BCL3: variants seen among roughly 807,000 people sequenced by gnomAD.
BCL3 encodes BCL3 transcription coactivator.
Under a neutral mutation model 35.7 loss-of-function variants are expected in BCL3, and 15 were observed. The observed-to-expected ratio is 0.42, with a 90% CI of 0.28 to 0.65. BCL3 has a LOEUF of 0.65. Ranked by LOEUF, BCL3 falls within the 30% of genes least tolerant of loss-of-function variation. The pLI, the probability that BCL3 is intolerant of heterozygous loss-of-function variation, is 0.22. For synonymous variants in BCL3, 311 were observed against 284.3 expected, an observed-to-expected ratio of 1.09 and a Z score of -0.95; for missense variants, 565 against 641.7, an observed-to-expected ratio of 0.88 and a Z score of 1.29.
At chr19:44,754,944 T>G (rs1364756315) in intron 2 of BCL3, among the ~76,000 whole-genome samples, 1 of 152,256 alleles carries the variant, frequency 6.6e-6, no homozygotes, top group Non-Finnish European at 1.5e-5. Context: ...ATTTCTGCAC[T>G]CCATCAGAAC....
chr19:44,750,639 C>T (rs1318493744), intron 1 of BCL3, among the ~76,000 whole-genome samples: 5 of 152,134 alleles, frequency 3.3e-5, no homozygotes, highest in Non-Finnish European at 7.3e-5. Flanking sequence ...TAAAATTACC[C>T]ATGCGTGGTG....
Position 44,759,439 on chromosome 19 carries a change from G to A in BCL3, c.1189G>A (p.Ala397Thr), listed in dbSNP as rs114036675. 2.6e-3 allele frequency: 4,223 copies of A among 1,597,320 alleles called. 11 individuals carry two copies. Among genetic ancestry groups the A allele is most frequent in the African/African-American group, 0.013 (915 of 70,662 alleles). The change falls in exon 9 of 9, where the codon GCA becomes ACA. Residue 397 changes from alanine (A) to threonine (T), a missense_variant. Ala to Thr is a moderately conservative substitution (Grantham distance 58, BLOSUM62 0). Around this residue, in one of 5 missense-constraint regions of BCL3, gnomAD observed 151 missense variants for 138.1 expected, o/e 1.09. Transcript: ENST00000164227. ...TCTTCCTTCCTCAGGTCTTCTCTCC[G>A]CATCACCATCCTCCTCACCCTCCCA... ...SRLSSNGLLS[A>T]SPSSSPSQSP...
chr19:44,748,672 C>A, upstream of BCL3: 1 of 1,040,652 alleles, frequency 9.6e-7, no homozygotes, highest in South Asian at 4.6e-5. Flanking sequence ...CGGCACCGCC[C>A]CGGCCGACAA....
chr19:44,749,675 G>A (rs1174484080), intron 1 of BCL3, among the ~76,000 whole-genome samples: 1 of 152,130 alleles, frequency 6.6e-6, no homozygotes, highest in African/African-American at 2.4e-5. Flanking sequence ...AGGGGGTCTT[G>A]AGGACCCAGG....
Position 44,757,083 on chromosome 19 carries a change from G to A in BCL3, c.586G>A (p.Ala196Thr). The A allele has an allele frequency of 6.2e-7, 1 of 1,609,960 alleles. No individual in the cohort carries two copies. Among genetic ancestry groups the A allele is most frequent in the African/African-American group, 1.3e-5 (1 of 74,916 alleles). ...GGTCCGGCTCCTGGTGACAGCTGGTGCCAGCCCCATGGCGCTGGACCGCCA... is the reference window on the plus strand; with the variant it reads ...GGTCCGGCTCCTGGTGACAGCTGGTACCAGCCCCATGGCGCTGGACCGCCA... ...SVVRLLVTAG[A>T]SPMALDRHGQ... Residue 196 changes from alanine (A) to threonine (T), a missense_variant, in exon 4 of 9, where the codon GCC becomes ACC. By Grantham distance (58) the Ala-to-Thr change is moderately conservative (BLOSUM62 0). Around this residue, in one of 5 missense-constraint regions of BCL3, gnomAD observed 267 missense variants for 281.5 expected, o/e 0.95. Transcript: ENST00000164227. The surrounding 1 kb of genome is among the most constrained non-coding windows in gnomAD (Gnocchi z 8.4).
At chr19:44,749,445 C>T (rs1455141067) in intron 1 of BCL3, among the ~76,000 whole-genome samples, 1 of 143,340 alleles carries the variant, frequency 7.0e-6, no homozygotes, top group Non-Finnish European at 1.6e-5. Context: ...AACTGGGGTT[C>T]CCTGTATCCT....
Position 44,758,725 on chromosome 19 carries a change from T to C in BCL3, c.1061T>C (p.Val354Ala). ...ATGGTCACGCCCATCTTCCTACAGG[T>C]CATCGACATCCTGAGGGGGAAGGCC... ...TPLMVARSRR[V>A]IDILRGKATR... is the part of the protein sequence containing the mutation. The change falls in exon 8 of 9, where the codon GTC becomes GCC. Residue 354 changes from valine (V) to alanine (A), a missense_variant and splice_region_variant. By Grantham distance (64) the Val-to-Ala change is moderately conservative. Transcript: ENST00000164227. 6.3e-7 allele frequency: 1 copy of C among 1,594,954 alleles called. No individual in the cohort carries two copies.
At chr19:44,759,314 C>A in intron 8 of BCL3, 114 bp from the exon 9 acceptor site, 1 of 646,810 alleles carries the variant, frequency 1.5e-6, no homozygotes, top group Non-Finnish European at 2.4e-6. Flanking sequence ...CTCCCTCAGA[C>A]CCGAGTCCAG....
Position 44,757,261 on chromosome 19 carries a change from G to C in BCL3, c.724+40G>C. On this transcript the variant is annotated intron_variant, in intron 4 of 8. Coordinates refer to ENST00000164227, the MANE Select transcript of BCL3 (RefSeq NM_005178.5). The surrounding 1 kb of genome is among the most constrained non-coding windows in gnomAD (Gnocchi z 8.4). ...CGGGGCACCGCTGGGCTGTCCAGCG[G>C]ACCTGGAGTCCATCAGCGGCCGCAA... 6.4e-7 allele frequency: 1 copy of C among 1,557,194 alleles called. No homozygotes were observed. Among genetic ancestry groups the C allele is most frequent in the South Asian group, 1.2e-5 (1 of 85,520 alleles).
intron 1 of BCL3, among the ~76,000 whole-genome samples, chr19:44,750,001 T>C (rs1967146698): frequency 6.6e-6 from 1 of 152,158 alleles, no homozygotes; most frequent in Admixed American, 6.5e-5. Flanking sequence ...TCTCCATCCC[T>C]GATCTCAAGA....
chr19:44,758,580 CT>C, intron 7 of BCL3, 143 bp from the exon 8 acceptor site: 1 of 1,263,742 alleles, frequency 7.9e-7, no homozygotes, highest in Non-Finnish European at 1.1e-6. Flanking sequence ...TGAGGAGAGA[CT>C]GGCACCAAGA....
In BCL3 at chr19:44,759,865, A is replaced by C; in HGVS notation, c.*250A>C. On this transcript the variant is annotated 3_prime_UTR_variant, in exon 9 of 9. Transcript: ENST00000164227. ...CCAGTCCCTGTCCGGAATGCCACCCACATCTTCCATTTCCATGTCCCCTCC... is the reference window on the plus strand; with the variant it reads ...CCAGTCCCTGTCCGGAATGCCACCCCCATCTTCCATTTCCATGTCCCCTCC... The C allele has an allele frequency of 7.4e-6, 3 of 407,196 alleles. No homozygotes were observed. The highest frequency in any genetic ancestry group is 4.2e-5 in the East Asian group (1 of 23,996). 25.2% of individuals were successfully genotyped at this position (407,196 alleles called of 1,614,324 possible).
chr19:44,758,376 A>G lies in BCL3; in HGVS notation c.1022A>G (p.His341Arg). The G allele has an allele frequency of 1.3e-6, 2 of 1,548,990 alleles. No individual in the cohort carries two copies. Among genetic ancestry groups the G allele is most frequent in the African/African-American group, 1.4e-5 (1 of 73,394 alleles). ...SGADSSLKNC[H>R]NDTPLMVARS... ...GCTGACAGCAGCCTCAAGAACTGCCACAACGACACGCCGCTCATGGTGGCG... is the reference window on the plus strand; with the variant it reads ...GCTGACAGCAGCCTCAAGAACTGCCGCAACGACACGCCGCTCATGGTGGCG... The change falls in exon 7 of 9, where the codon CAC (histidine) becomes CGC (arginine). Residue 341 changes from histidine to arginine, a missense_variant. Around this residue, in one of 5 missense-constraint regions of BCL3, gnomAD observed 39 missense variants for 88.1 expected, o/e 0.44. Coordinates refer to ENST00000164227, the MANE Select transcript of BCL3 (RefSeq NM_005178.5).
At chr19:44,748,634 G>A, upstream of BCL3, 1 of 941,562 alleles carries the variant, frequency 1.1e-6, no homozygotes, top group Non-Finnish European at 1.3e-6. Context: ...GTGGCCCCGG[G>A]GGGGCCGGGG....
rs752198604 is a variant in BCL3, at chr19:44,749,009, C to A, written c.219C>A (p.Pro73=). 8.7e-6 allele frequency: 12 copies of A among 1,385,456 alleles called. No individual in the cohort carries two copies. In the East Asian group the frequency reaches 3.7e-4, roughly 42 times the overall value. 85.8% of individuals were successfully genotyped at this position (1,385,456 alleles called of 1,614,324 possible). ...ACCTGCCGGCGGTCCCCGGGCCCCC[C>A]CACGGCCTGGCCCGGCCGGAGGCGC... The part of the protein sequence containing the change: ...GCDLPAVPGP[P]HGLARPEALY... The change falls in exon 1 of 9, where the codon CCC becomes CCA. Residue 73 remains proline, a synonymous_variant. Coordinates refer to ENST00000164227, the MANE Select transcript of BCL3 (RefSeq NM_005178.5).
chr19:44,748,287 G>A (rs941465630), upstream of BCL3, among the ~76,000 whole-genome samples: 32 of 152,314 alleles, frequency 2.1e-4, no homozygotes, highest in African/African-American at 7.2e-4. Context: ...AGACAAACGC[G>A]GGGTTGCGGA....
In BCL3 at chr19:44,749,022, C is replaced by T. The variant is rs757544122; in HGVS notation, c.232C>T (p.Arg78Trp). 1.7e-5 allele frequency: 23 copies of T among 1,360,200 alleles called. No individual in the cohort carries two copies. In the Admixed American group the frequency reaches 5.0e-4, roughly 30 times the overall value. 84.3% of individuals were successfully genotyped at this position (1,360,200 alleles called of 1,614,324 possible). A position where few individuals can be genotyped will look rare whatever the true frequency, so the allele number is the denominator to read the frequency against. ...AVPGPPHGLARPEALYYPGAL... is the reference protein window; with the variant it reads ...AVPGPPHGLAWPEALYYPGAL... ...CCCCGGGCCCCCCCACGGCCTGGCC[C>T]GGCCGGAGGCGCTTTACTACCCCGG... Residue 78 changes from arginine (R) to tryptophan (W), a missense_variant, in exon 1 of 9, where the codon CGG becomes TGG. Arg to Trp is a moderately radical substitution (Grantham distance 101). Transcript: ENST00000164227.
intron 2 of BCL3, among the ~76,000 whole-genome samples, chr19:44,754,433 C>T (rs1311305544): frequency 1.3e-5 from 2 of 152,126 alleles, no homozygotes. Flanking sequence ...CCAGGGGTGG[C>T]CAGGGTAGAT....
intron 1 of BCL3, among the ~76,000 whole-genome samples, chr19:44,749,886 G>T (rs547801411): frequency 2.0e-4 from 31 of 152,256 alleles, no homozygotes; most frequent in African/African-American, 7.5e-4. Context: ...AGGCCTCAAG[G>T]CCTGGTATTG....
Sources: gnomAD v4.1 joint callset for allele counts (sites outside exome capture counted in the v4.1 genomes callset) on GRCh38, gnomAD v4.1.1 for gene constraint, gnomAD v4.1.1 regional missense constraint, Gnocchi (gnomAD v3.1) non-coding constraint, MANE v1.5 for transcripts, NCBI Gene and HGNC (gene_info 2026-07-23, HGNC 2026-07-21) for gene names.